CHEK2: variants seen among roughly 807,000 people sequenced by gnomAD.
CHEK2 encodes the protein serine/threonine-protein kinase Chk2.
In CHEK2, 71 loss-of-function variants were observed where a neutral mutation model predicts 69.1. The ratio of observed to expected loss-of-function variants is 1.03; its 90% confidence interval spans 0.85 to 1.25. The LOEUF (loss-of-function observed/expected upper bound fraction) is 1.25. CHEK2 is among the 50% of genes most tolerant of loss of function. The pLI, the probability that CHEK2 is intolerant of heterozygous loss-of-function variation, is 0.00. For missense variants in CHEK2, 664 were observed against 649.6 expected (o/e 1.02, Z -0.24); for synonymous variants, 189 against 226.9 (o/e 0.83, Z 1.50).
chr22:28,736,680 C>G (rs1226747928), intron 1 of CHEK2, among the ~76,000 whole-genome samples: 1 of 152,148 alleles, frequency 6.6e-6, no homozygotes, highest in Admixed American at 6.5e-5. Flanking sequence ...TGGCTCATAC[C>G]TGTAATCCCA....
chr22:28,731,427 C>T lies in CHEK2; in HGVS notation c.319+2976G>A, dbSNP rs542389885. Among the ~76,000 whole-genome samples the T allele has an allele frequency of 7.5e-3, 1,134 of 152,014 alleles. 15 individuals carry two copies. Among genetic ancestry groups the T allele is most frequent in the African/African-American group, 0.026 (1,093 of 41,484 alleles). ...CAGCCTGGCCAATATGATGACAACC[C>T]GTCCCTACTAAAAAATACAGAACTT... On this transcript the variant is annotated intron_variant, in intron 2 of 14. Transcript: ENST00000404276.
At chr22:28,724,921 C>T (rs1390224692) in intron 4 of CHEK2, 56 bp downstream of exon 4, 2 of 1,580,634 alleles carry the variant, frequency 1.3e-6, no homozygotes, top group Non-Finnish European at 8.7e-7. Flanking sequence ...ACAAATTTTC[C>T]TCCTATGAGA....
At chr22:28,702,885 C>T (rs567382282) in intron 8 of CHEK2, among the ~76,000 whole-genome samples, 1 of 152,224 alleles carries the variant, frequency 6.6e-6, no homozygotes, top group South Asian at 2.1e-4. Context: ...CTTACAAAAC[C>T]TAATACAATG....
Position 28,726,661 on chromosome 22 carries a change from CAAAT to C in CHEK2, c.320-1298_320-1295del, listed in dbSNP as rs555520650. On this transcript the variant is annotated intron_variant, in intron 2 of 14. Coordinates refer to ENST00000404276, the MANE Select transcript of CHEK2 (RefSeq NM_007194.4). ...ATATATATATAAAACCGTGAAATAA[CAAAT>C]AGTCATTAAAAGTTCTCGAGTAATT... Among the ~76,000 whole-genome samples, 426 of 148,440 alleles carry C rather than the reference CAAAT, an allele frequency of 2.9e-3. 1 individual carries two copies. The highest frequency in any genetic ancestry group is 0.01 in the African/African-American group (404 of 40,216).
intron 4 of CHEK2, among the ~76,000 whole-genome samples, chr22:28,721,303 T>TTTTG (rs2053770530): frequency 6.7e-6 from 1 of 148,654 alleles, no homozygotes; most frequent in Admixed American, 6.7e-5. Flanking sequence ...TTTTTTTTTT[T>TTTTG]GAGACGAAGT....
chr22:28,691,341 T>A (rs562976466), intron 13 of CHEK2, among the ~76,000 whole-genome samples: 189 of 152,296 alleles, frequency 1.2e-3, no homozygotes, highest in African/African-American at 4.5e-3. Context: ...TGAGCTGGGA[T>A]GGTGGCAGGC....
At chr22:28,688,977 G>A (rs545012469) in intron 14 of CHEK2, among the ~76,000 whole-genome samples, 158 bp downstream of exon 14, 8 of 152,060 alleles carry the variant, frequency 5.3e-5, no homozygotes, top group African/African-American at 1.9e-4. Flanking sequence ...TAAATCTAAG[G>A]GTGCTGGAGC....
In CHEK2 at chr22:28,687,986, G is replaced by T. The variant is rs1399879170; in HGVS notation, c.1543C>A (p.Pro515Thr). The T allele has an allele frequency of 3.1e-6, 5 of 1,594,492 alleles. No individual in the cohort carries two copies. The highest frequency in any genetic ancestry group is 4.5e-4 in the Middle Eastern group (2 of 4,426). ...STALPQVLAQPSTSRKRPREG... is the reference protein window; with the variant it reads ...STALPQVLAQTSTSRKRPREG... Reference sequence around the variant, plus strand: ...CGGGGCCGCTTTCGACTAGTAGAAGGCTGAAAATAAAGGAAAATGGAGAAA... The same window carrying T: ...CGGGGCCGCTTTCGACTAGTAGAAGTCTGAAAATAAAGGAAAATGGAGAAA... The change falls in exon 15 of 15, where the codon CCT (proline) becomes ACT (threonine). Residue 515 changes from proline (P) to threonine (T), a missense_variant and splice_region_variant. Coordinates refer to ENST00000404276, the MANE Select transcript of CHEK2 (RefSeq NM_007194.4).
At chr22:28,699,986 C>T (rs760661215) in intron 8 of CHEK2, 49 bp from the exon 9 acceptor site, 8 of 1,259,280 alleles carry the variant, frequency 6.4e-6, no homozygotes, top group Middle Eastern at 1.9e-4. Context: ...GGAAAACGCA[C>T]TTGGACAGAA....
At chr22:28,701,297 G>A (rs1296117543) in intron 8 of CHEK2, among the ~76,000 whole-genome samples, 1 of 151,216 alleles carries the variant, frequency 6.6e-6, no homozygotes, top group African/African-American at 2.4e-5. Flanking sequence ...TACAACCTCC[G>A]CCTCCCAGGT....
chr22:28,708,750 T>C (rs1456728015), intron 7 of CHEK2: 2 of 173,170 alleles, frequency 1.2e-5, no homozygotes, highest in Non-Finnish European at 2.5e-5. Flanking sequence ...GATCACGAGG[T>C]CAGGAGATAG....
At chr22:28,738,476 C>T (rs1389708771) in intron 1 of CHEK2, among the ~76,000 whole-genome samples, 2 of 152,112 alleles carry the variant, frequency 1.3e-5, no homozygotes, top group East Asian at 3.8e-4. Flanking sequence ...CTTCTCTAAA[C>T]CTGTTTTCTC....
Position 28,723,175 on chromosome 22 carries a change from T to C in CHEK2, c.592+1802A>G, listed in dbSNP as rs17885996. Among the ~76,000 whole-genome samples, 626 of 152,336 alleles carry C rather than the reference T, an allele frequency of 4.1e-3. 2 individuals carry two copies. Among genetic ancestry groups the C allele is most frequent in the Non-Finnish European group, 5.9e-3 (403 of 68,034 alleles). On this transcript the variant is annotated intron_variant, in intron 4 of 14. Transcript: ENST00000404276. The stretch of plus-strand genomic sequence containing the variant: ...TCATAGTTTCAGAAATGGATGCTTA[T>C]AAAATGCTACCTGATGAGGCTGATA...
chr22:28,716,199 C>A (rs1248636967), intron 5 of CHEK2, among the ~76,000 whole-genome samples: 1 of 136,152 alleles, frequency 7.3e-6, no homozygotes, highest in East Asian at 2.1e-4. Flanking sequence ...TCTTTTTTCT[C>A]TTTTTTTTTT....
chr22:28,708,273 G>A (rs1000702193), intron 7 of CHEK2, among the ~76,000 whole-genome samples: 2 of 151,632 alleles, frequency 1.3e-5, no homozygotes, highest in South Asian at 2.1e-4. Context: ...CAGGAGTATC[G>A]CTTGGTCCCA....
At chr22:28,734,226 T>C (rs910896488) in intron 2 of CHEK2, among the ~76,000 whole-genome samples, 177 bp downstream of exon 2, 1 of 152,218 alleles carries the variant, frequency 6.6e-6, no homozygotes, top group Non-Finnish European at 1.5e-5. Context: ...TTAGCTTCTA[T>C]TGCCTTCCAC....
intron 4 of CHEK2, chr22:28,721,671 G>A (rs770100943): frequency 4.7e-5 from 21 of 450,116 alleles, no homozygotes; most frequent in South Asian, 3.2e-4. Context: ...GGTAATGCAT[G>A]TTAGCTCAAA....
At chr22:28,721,801 G>C (rs576330860) in intron 4 of CHEK2, among the ~76,000 whole-genome samples, 74 of 152,028 alleles carry the variant, frequency 4.9e-4, no homozygotes, top group Non-Finnish European at 8.8e-4. Flanking sequence ...TGCAATCATG[G>C]CTCACTGTAG....
intron 7 of CHEK2, among the ~76,000 whole-genome samples, chr22:28,703,813 A>G (rs1292840788): frequency 4.6e-5 from 7 of 152,214 alleles, no homozygotes; most frequent in Admixed American, 1.3e-4. Context: ...TTCATATGCA[A>G]GGATGCTACC....
Sources: allele counts gnomAD v4.1 joint callset (sites outside exome capture counted in the v4.1 genomes callset), GRCh38; gene constraint gnomAD v4.1.1; transcripts MANE v1.5; gene names NCBI Gene and HGNC (gene_info 2026-07-23, HGNC 2026-07-21).